Variants in GPATCH2 observed in about 807,000 individuals in gnomAD.
The protein encoded by GPATCH2 is G patch domain-containing protein 2.
Under a neutral mutation model 58.0 loss-of-function variants are expected in GPATCH2, and 51 were observed. That is an observed-to-expected ratio of 0.88 (90% confidence interval 0.70 to 1.11). GPATCH2 has a LOEUF of 1.11. Ranked by LOEUF, GPATCH2 falls within the 50% of genes most tolerant of loss-of-function variation. The pLI, the probability that GPATCH2 is intolerant of heterozygous loss-of-function variation, is 0.00. For synonymous variants in GPATCH2, 222 were observed against 218.5 expected, an observed-to-expected ratio of 1.02 and a Z score of -0.14; for missense variants, 625 against 652.2, an observed-to-expected ratio of 0.96 and a Z score of 0.45.
chr1:217,565,665 C>T (rs1217587687), intron 5 of GPATCH2, among the ~76,000 whole-genome samples: 1 of 152,130 alleles, frequency 6.6e-6, no homozygotes, highest in Non-Finnish European at 1.5e-5. Context: ...ACTATTAAGA[C>T]AATTCATCAA....
At chr1:217,606,395 T>C (rs1416864212) in intron 5 of GPATCH2, among the ~76,000 whole-genome samples, 2 of 151,562 alleles carry the variant, frequency 1.3e-5, no homozygotes, top group Non-Finnish European at 2.9e-5. Context: ...ATAAAAGAGG[T>C]ATAAAAGAAA....
Position 217,427,806 on chromosome 1 carries a change from A to G in GPATCH2, c.*3339T>C, listed in dbSNP as rs959782321. On this transcript the variant is annotated 3_prime_UTR_variant, in exon 10 of 10. Coordinates refer to ENST00000366935, the MANE Select transcript of GPATCH2 (RefSeq NM_018040.5). Reference sequence around the variant, plus strand: ...CAATTTACAAGAATGCCAATTCTCAATATTAAAATAAACATTAATAAAATG... The same window carrying G: ...CAATTTACAAGAATGCCAATTCTCAGTATTAAAATAAACATTAATAAAATG... The G allele has an allele frequency of 6.6e-6, 1 of 152,186 alleles. No individual in the cohort carries two copies. The highest frequency in any genetic ancestry group is 2.1e-4 in the South Asian group (1 of 4,834). The allele number at this position is 152,186 out of a possible 1,614,324, so 9.4% of individuals were successfully genotyped here.
chr1:217,548,477 A>G (rs1241187876), intron 5 of GPATCH2, among the ~76,000 whole-genome samples: 1 of 152,234 alleles, frequency 6.6e-6, no homozygotes, highest in Admixed American at 6.5e-5. Flanking sequence ...CAATCTTCGC[A>G]AAATCAGAAA....
At chr1:217,584,364 T>TAC (rs753018177) in intron 5 of GPATCH2, among the ~76,000 whole-genome samples, 16 of 121,528 alleles carry the variant, frequency 1.3e-4, no homozygotes, top group East Asian at 6.8e-4. Context: ...TATATATATA[T>TAC]ACACACACAC....
chr1:217,491,161 C>T (rs1278996119), intron 8 of GPATCH2, among the ~76,000 whole-genome samples: 1 of 152,140 alleles, frequency 6.6e-6, no homozygotes, highest in African/African-American at 2.4e-5. Flanking sequence ...TCAGAAACAC[C>T]ATTTGCACAA....
At chr1:217,501,558 G>T (rs1270478516) in intron 6 of GPATCH2, among the ~76,000 whole-genome samples, 2 of 152,068 alleles carry the variant, frequency 1.3e-5, no homozygotes. Flanking sequence ...AATCTCATCA[G>T]CAATGTATGA....
At chr1:217,540,491 T>C (rs1177918947) in intron 5 of GPATCH2, among the ~76,000 whole-genome samples, 1 of 152,212 alleles carries the variant, frequency 6.6e-6, no homozygotes, top group East Asian at 1.9e-4. Context: ...ACAATAGTCT[T>C]CTTGTGTTTT....
intron 6 of GPATCH2, among the ~76,000 whole-genome samples, chr1:217,510,382 A>G (rs1490563148): frequency 6.6e-6 from 1 of 151,812 alleles, no homozygotes; most frequent in Non-Finnish European, 1.5e-5. Context: ...TAAAACAAAA[A>G]CCAAACCAGG....
intron 5 of GPATCH2, among the ~76,000 whole-genome samples, chr1:217,527,351 A>G (rs953799258): frequency 3.9e-5 from 6 of 152,154 alleles, no homozygotes; most frequent in Non-Finnish European, 8.8e-5. Flanking sequence ...GTTCTGGACA[A>G]TAAGAGGTAT....
chr1:217,560,964 G>C (rs754008914), intron 5 of GPATCH2, among the ~76,000 whole-genome samples: 9 of 152,170 alleles, frequency 5.9e-5, no homozygotes, highest in Non-Finnish European at 1.3e-4. Context: ...AATGGGGTAG[G>C]GAAGAAGGAT....
chr1:217,509,240 C>A (rs1243570590), intron 6 of GPATCH2, among the ~76,000 whole-genome samples: 1 of 152,038 alleles, frequency 6.6e-6, no homozygotes. Context: ...ACTTAGGAGG[C>A]TGAGGCACAA....
chr1:217,431,170 G>C lies in GPATCH2; in HGVS notation c.1562C>G (p.Thr521Ser). ...TTAGGCGGATTTTCCTGCATTGGGGGTAGTAGTTGCGGAAGTACTTTTTGG... is the reference window on the plus strand; with the variant it reads ...TTAGGCGGATTTTCCTGCATTGGGGCTAGTAGTTGCGGAAGTACTTTTTGG... ...PLPKSTSATT[T>S]PNAGKSA The change falls in exon 10 of 10, where the codon ACC becomes AGC. Residue 521 changes from threonine (T) to serine (S), a missense_variant. Thr to Ser is a moderately conservative substitution (Grantham distance 58). Coordinates refer to ENST00000366935, the MANE Select transcript of GPATCH2 (RefSeq NM_018040.5). 2 of 1,562,594 alleles carry C rather than the reference G, an allele frequency of 1.3e-6. No individual in the cohort carries two copies. The highest frequency in any genetic ancestry group is 1.8e-6 in the Non-Finnish European group (2 of 1,132,970).
At chr1:217,438,843 C>T (rs1252621741) in intron 9 of GPATCH2, among the ~76,000 whole-genome samples, 2 of 151,984 alleles carry the variant, frequency 1.3e-5, no homozygotes, top group African/African-American at 4.8e-5. Flanking sequence ...CAGGCCAACA[C>T]CTGTCTTCTC....
intron 5 of GPATCH2, among the ~76,000 whole-genome samples, chr1:217,551,171 G>T (rs1158022787): frequency 6.6e-6 from 1 of 151,124 alleles, no homozygotes; most frequent in Non-Finnish European, 1.5e-5. Flanking sequence ...TGCAAATCTG[G>T]TTATGTCAGA....
chr1:217,582,935 T>A (rs1449251762), intron 5 of GPATCH2, among the ~76,000 whole-genome samples: 1 of 152,220 alleles, frequency 6.6e-6, no homozygotes, highest in Non-Finnish European at 1.5e-5. Context: ...CCATTCACTG[T>A]AAGAATCCGT....
At chr1:217,446,176 T>A (rs923580307) in intron 9 of GPATCH2, among the ~76,000 whole-genome samples, 2 of 152,144 alleles carry the variant, frequency 1.3e-5, no homozygotes, top group Non-Finnish European at 2.9e-5. Context: ...ACTGTTATCA[T>A]CTGCATTTTT....
At chr1:217,550,753 T>C (rs968780513) in intron 5 of GPATCH2, among the ~76,000 whole-genome samples, 1 of 151,860 alleles carries the variant, frequency 6.6e-6, no homozygotes, top group Non-Finnish European at 1.5e-5. Context: ...CATTTTTAAC[T>C]TCCATTAGTC....
At chr1:217,481,802 G>C (rs555821134) in intron 8 of GPATCH2, among the ~76,000 whole-genome samples, 1 of 152,180 alleles carries the variant, frequency 6.6e-6, no homozygotes, top group Non-Finnish European at 1.5e-5. Context: ...GACTACATAT[G>C]ATGAGCTATG....
At chr1:217,452,997 A>G (rs1314808379) in intron 8 of GPATCH2, among the ~76,000 whole-genome samples, 1 of 152,194 alleles carries the variant, frequency 6.6e-6, no homozygotes, top group East Asian at 1.9e-4. Context: ...AGACAGGTGC[A>G]GTGGAGTTGC....
Sources: allele counts gnomAD v4.1 joint callset (sites outside exome capture counted in the v4.1 genomes callset), GRCh38; gene constraint gnomAD v4.1.1; transcripts MANE v1.5; gene names NCBI Gene and HGNC (gene_info 2026-07-23, HGNC 2026-07-21).